SNTG1: variants seen among roughly 807,000 people sequenced by gnomAD.
The protein encoded by SNTG1 is syntrophin gamma 1.
Under a neutral mutation model 74.7 loss-of-function variants are expected in SNTG1, and 39 were observed. The ratio of observed to expected loss-of-function variants is 0.52; its 90% CI spans 0.40 to 0.68. The LOEUF (loss-of-function observed/expected upper bound fraction) is 0.68, where lower values mean the gene tolerates loss of function less well. Ranked by LOEUF, SNTG1 falls within the 30% of genes least tolerant of loss-of-function variation. SNTG1 has a pLI of 0.00. For synonymous variants in SNTG1, 254 were observed against 217.1 expected (o/e 1.17, Z -1.49); for missense variants, 685 against 609.5 (o/e 1.12, Z -1.30).
intron 1 of SNTG1, among the ~76,000 whole-genome samples, chr8:50,043,633 G>A (rs1052293108): frequency 6.6e-6 from 1 of 152,186 alleles, no homozygotes; most frequent in Non-Finnish European, 1.5e-5. Context: ...GTGGACAGAT[G>A]TTTGACTCGC....
At chr8:50,372,426 A>G (rs1269679505) in intron 2 of SNTG1, among the ~76,000 whole-genome samples, 5 of 151,902 alleles carry the variant, frequency 3.3e-5, no homozygotes, top group African/African-American at 1.2e-4. Context: ...TACATACCAT[A>G]TATTGTTACG....
intron 2 of SNTG1, among the ~76,000 whole-genome samples, chr8:50,229,388 T>C (rs2085499937): frequency 6.6e-6 from 1 of 151,338 alleles, no homozygotes; most frequent in Non-Finnish European, 1.5e-5. Flanking sequence ...ATAGTTTAAC[T>C]AAAAGGATAG....
intron 13 of SNTG1, among the ~76,000 whole-genome samples, chr8:50,638,500 T>C (rs2095052862): frequency 6.6e-6 from 1 of 152,098 alleles, no homozygotes; most frequent in Non-Finnish European, 1.5e-5. Flanking sequence ...GAAGTAGAGT[T>C]ACAAAAATTT....
rs188809520 is a variant in SNTG1 at position 50,577,513 on chromosome 8, T to C, written c.811-13366T>C. Among the ~76,000 whole-genome samples the C allele has an allele frequency of 5.3e-3, 795 of 151,394 alleles. 14 individuals are homozygous for C. Among genetic ancestry groups the C allele is most frequent in the African/African-American group, 0.018 (758 of 41,356 alleles). On this transcript the variant is annotated intron_variant, in intron 12 of 18. Coordinates refer to ENST00000642720, the MANE Select transcript of SNTG1 (RefSeq NM_018967.5). ...TGTGGCTTTGGTATCAGAGTGATAA[T>C]GGCCTCGTAAAATGAGTTAGGAAAT...
Position 50,135,030 on chromosome 8 carries a change from A to T in SNTG1, c.-102-37531A>T, listed in dbSNP as rs183563387. 3.9e-5 allele frequency among the ~76,000 whole-genome samples: 6 copies of T among 152,304 alleles called. No homozygotes were observed. In the East Asian group the frequency reaches 1.2e-3, roughly 29 times the overall value. On this transcript the variant is annotated intron_variant, in intron 1 of 18. Transcript: ENST00000642720. ...AGGAAATAGCTCCACAGGTTCAATT[A>T]TGTCAACCCGGTAGTTGGCCTGGAA...
chr8:50,702,852 G>A (rs1349821946), intron 15 of SNTG1, among the ~76,000 whole-genome samples: 3 of 151,978 alleles, frequency 2.0e-5, no homozygotes, highest in Non-Finnish European at 2.9e-5. Flanking sequence ...AATACTGTAG[G>A]CAAAAGTAAC....
chr8:50,329,812 AT>A lies in SNTG1; in HGVS notation c.-27-64390del, dbSNP rs574286745. Among the ~76,000 whole-genome samples, 45 of 150,786 alleles carry A rather than the reference AT, an allele frequency of 3.0e-4. No homozygotes were observed. The South Asian group carries it at 4.0e-3, about 13-fold the overall frequency. ...AGCTGGCTTGAATTTCTCCCTAGAA[AT>A]TTTTTTTTTCTATTGCATCGTCAGG... is the stretch of plus-strand genomic sequence containing the variant. On this transcript the variant is annotated intron_variant, in intron 2 of 18. Transcript: ENST00000642720.
intron 8 of SNTG1, among the ~76,000 whole-genome samples, chr8:50,456,401 TCA>T (rs968219205): frequency 6.6e-6 from 1 of 151,786 alleles, no homozygotes; most frequent in African/African-American, 2.4e-5. Flanking sequence ...TTTTTTTCCC[TCA>T]CAGTCATGGA....
intron 4 of SNTG1, among the ~76,000 whole-genome samples, chr8:50,417,569 G>C (rs985876646): frequency 6.6e-6 from 1 of 152,054 alleles, no homozygotes; most frequent in Non-Finnish European, 1.5e-5. Flanking sequence ...ATATAAATAA[G>C]AGTGTGCTTT....
chr8:50,442,297 C>A (rs756431400), intron 5 of SNTG1, among the ~76,000 whole-genome samples: 1 of 152,134 alleles, frequency 6.6e-6, no homozygotes, highest in Non-Finnish European at 1.5e-5. Context: ...GTAACTGAGC[C>A]ATAATATAAT....
rs182881284 is a variant in SNTG1, at chr8:50,212,657, C to A, written c.-28+40022C>A. ...TACAACGGGCCACAGTGGTATGAGA[C>A]AGTTAATTCTCATCTCTAGCATGTG... On this transcript the variant is annotated intron_variant, in intron 2 of 18. Transcript: ENST00000642720. 1.7e-3 allele frequency among the ~76,000 whole-genome samples: 256 copies of A among 152,270 alleles called. 2 individuals carry two copies. Among genetic ancestry groups the A allele is most frequent in the Non-Finnish European group, 1.7e-3 (115 of 68,022 alleles).
Position 49,911,602 on chromosome 8 carries a change from G to C in SNTG1, c.-732G>C, listed in dbSNP as rs1246390203. ...AAAAAAAAAGAACCGGAGGGGAGAA[G>C]GCTAGGGCGGAAGACAAGGAAGCTG... On this transcript the variant is annotated 5_prime_UTR_variant, in exon 1 of 19. Transcript: ENST00000642720. 6.6e-6 allele frequency: 1 copy of C among 151,902 alleles called. No homozygotes were observed. 9.4% of individuals were successfully genotyped at this position (151,902 alleles called of 1,614,324 possible).
chr8:50,434,460 G>A (rs776205818), intron 4 of SNTG1, among the ~76,000 whole-genome samples: 12 of 136,088 alleles, frequency 8.8e-5, no homozygotes, highest in Admixed American at 2.3e-4. Context: ...TTGAGGAATC[G>A]CCACACTGTC....
chr8:50,324,486 G>T (rs948500093), intron 2 of SNTG1, among the ~76,000 whole-genome samples: 1 of 152,064 alleles, frequency 6.6e-6, no homozygotes, highest in East Asian at 1.9e-4. Context: ...GCATGTGGTT[G>T]GTTGTTAAAA....
chr8:50,319,416 G>A (rs2090442821), intron 2 of SNTG1, among the ~76,000 whole-genome samples: 1 of 152,102 alleles, frequency 6.6e-6, no homozygotes, highest in Non-Finnish European at 1.5e-5. Flanking sequence ...TTTGTATGTT[G>A]ATGTTTTATA....
At chr8:50,090,076 AAC>A (rs1174831294) in intron 1 of SNTG1, among the ~76,000 whole-genome samples, 114 of 152,262 alleles carry the variant, frequency 7.5e-4, no homozygotes, top group Non-Finnish European at 2.6e-4. Context: ...ATAGAAATTA[AAC>A]ACAGCATTTC....
chr8:50,435,801 T>C (rs181092069), intron 4 of SNTG1, among the ~76,000 whole-genome samples: 1 of 152,190 alleles, frequency 6.6e-6, no homozygotes, highest in Non-Finnish European at 1.5e-5. Context: ...TTTTTGAGAT[T>C]CTTTTGGTGG....
At chr8:50,246,283 A>G (rs1184852582) in intron 2 of SNTG1, among the ~76,000 whole-genome samples, 1 of 152,040 alleles carries the variant, frequency 6.6e-6, no homozygotes, top group Non-Finnish European at 1.5e-5. Context: ...AGCAGATACA[A>G]GGGGACATCA....
intron 2 of SNTG1, among the ~76,000 whole-genome samples, chr8:50,265,776 T>C: frequency 6.6e-6 from 1 of 152,160 alleles, no homozygotes; most frequent in African/African-American, 2.4e-5. Flanking sequence ...ATTAAATCAA[T>C]TGTATTTTTA....
Sources: allele counts gnomAD v4.1 joint callset (sites outside exome capture counted in the v4.1 genomes callset), GRCh38; gene constraint gnomAD v4.1.1; transcripts MANE v1.5; gene names NCBI Gene and HGNC (gene_info 2026-07-23, HGNC 2026-07-21).